The following NPLOC4 variants were observed in gnomAD, a reference collection of about 807,000 sequenced individuals.
NPLOC4 encodes nuclear protein localization protein 4 homolog.
Under a neutral mutation model 80.6 loss-of-function variants are expected in NPLOC4, and 18 were observed. The observed-to-expected ratio is 0.22, with a 90% CI of 0.15 to 0.33. NPLOC4 has a LOEUF of 0.33. NPLOC4 is among the 10% of genes least tolerant of loss of function. NPLOC4 has a pLI of 1.00. For synonymous variants in NPLOC4, 313 were observed against 301.5 expected (o/e 1.04, Z -0.39); for missense variants, 540 against 786.1 (o/e 0.69, Z 3.74).
rs140800811 is a variant in NPLOC4 at position 81,575,272 on chromosome 17, T to G, written c.1282-3184A>C. Among the ~76,000 whole-genome samples the G allele has an allele frequency of 5.5e-3, 836 of 152,222 alleles. 11 individuals are homozygous for G. The highest frequency in any genetic ancestry group is 0.019 in the African/African-American group (784 of 41,542). On this transcript the variant is annotated intron_variant, in intron 12 of 16. Coordinates refer to ENST00000331134, the MANE Select transcript of NPLOC4 (RefSeq NM_017921.4). ...CCGCCACCACGCCCGGCTAATTTTT[T>G]TCTATTTTTTAGTAGAGACGGGGTT...
rs546558578 is a variant in NPLOC4 at position 81,636,736 on chromosome 17, A to G, written c.15+180T>C. On this transcript the variant is annotated intron_variant, in intron 1 of 16. Transcript: ENST00000331134. ...CCCCTGGGGAGGGACACGGACGGGA[A>G]GCAGCCGAGGGGGGTGAAAGTCCCC... 3.3e-5 allele frequency among the ~76,000 whole-genome samples: 5 copies of G among 152,156 alleles called. No individual in the cohort carries two copies. In the South Asian group the frequency reaches 1.0e-3, roughly 32 times the overall value.
intron 1 of NPLOC4, among the ~76,000 whole-genome samples, chr17:81,632,050 A>G (rs2035945891): frequency 6.6e-6 from 1 of 151,208 alleles, no homozygotes; most frequent in African/African-American, 2.4e-5. Flanking sequence ...ACCTCCACTC[A>G]CTGCAACCTC....
At chr17:81,579,514 C>A (rs2144096338) in intron 12 of NPLOC4, among the ~76,000 whole-genome samples, 1 of 152,230 alleles carries the variant, frequency 6.6e-6, no homozygotes, top group Non-Finnish European at 1.5e-5. Context: ...TCCACTCCAG[C>A]CTCCCCCTTC....
chr17:81,604,486 A>G, intron 8 of NPLOC4, 62 bp downstream of exon 8: 2 of 1,513,786 alleles, frequency 1.3e-6, no homozygotes, highest in Non-Finnish European at 1.8e-6. Context: ...GCCTCTCCGA[A>G]AGGGCGTCCC....
At chr17:81,628,362 A>T (rs1019597297) in intron 2 of NPLOC4, among the ~76,000 whole-genome samples, 3 of 152,004 alleles carry the variant, frequency 2.0e-5, no homozygotes, top group Admixed American at 6.6e-5. Flanking sequence ...AAAATACAAA[A>T]AATTAGTCAG....
chr17:81,613,139 A>AAAC lies in NPLOC4; in HGVS notation c.386+178_386+179insGTT, dbSNP rs542770836. On this transcript the variant is annotated intron_variant, in intron 4 of 16. Coordinates refer to ENST00000331134, the MANE Select transcript of NPLOC4 (RefSeq NM_017921.4). ...ACTGATAAAAAGCTAAAAAAAAAAA[A>AAAC]CAAAAACCGATAAAAAGCTAACAAG... 219 of 551,538 alleles carry AAAC rather than the reference A, an allele frequency of 4.0e-4. 1 individual carries two copies. In the South Asian group the frequency reaches 4.1e-3, roughly 10 times the overall value. The allele number at this position is 551,538 out of a possible 1,614,324, so 34.2% of individuals were successfully genotyped here. A position where few individuals can be genotyped will look rare whatever the true frequency, so the allele number is the denominator to read the frequency against.
intron 3 of NPLOC4, 32 bp downstream of exon 3, chr17:81,622,134 C>T (rs2035686394): frequency 8.6e-6 from 13 of 1,515,026 alleles, no homozygotes; most frequent in Non-Finnish European, 9.2e-6. Context: ...CATTTCCCCC[C>T]ATTCCCTGCT....
chr17:81,607,650 C>T (rs1448115158), intron 6 of NPLOC4, among the ~76,000 whole-genome samples: 1 of 152,054 alleles, frequency 6.6e-6, no homozygotes, highest in Non-Finnish European at 1.5e-5. Flanking sequence ...GCCACAAACA[C>T]GCCCCCACTA....
intron 12 of NPLOC4, among the ~76,000 whole-genome samples, chr17:81,582,782 T>C (rs2034478962): frequency 6.6e-6 from 1 of 152,258 alleles, no homozygotes; most frequent in Admixed American, 6.5e-5. Context: ...AGTGTGAGTC[T>C]TGTCCCTGTG....
chr17:81,635,582 T>G (rs2036046064), intron 1 of NPLOC4, among the ~76,000 whole-genome samples: 2 of 151,958 alleles, frequency 1.3e-5, no homozygotes, highest in South Asian at 4.2e-4. Context: ...CAGGGTGGAG[T>G]CCAGTGACGC....
At chr17:81,597,164 CAA>C (rs1357288526) in intron 10 of NPLOC4, 79 bp downstream of exon 10, 1 of 970,868 alleles carries the variant, frequency 1.0e-6, no homozygotes, top group Non-Finnish European at 1.6e-6. Context: ...ACCAGCGGTG[CAA>C]AGAGACCCTG....
At chr17:81,595,910 A>G (rs751265697) in intron 11 of NPLOC4, among the ~76,000 whole-genome samples, 2 of 151,552 alleles carry the variant, frequency 1.3e-5, no homozygotes, top group Non-Finnish European at 2.9e-5. Flanking sequence ...TGATTCTGTT[A>G]TGAGTTTTGG....
chr17:81,598,119 AG>A (rs2034969782), intron 9 of NPLOC4, among the ~76,000 whole-genome samples: 1 of 149,918 alleles, frequency 6.7e-6, no homozygotes, highest in African/African-American at 2.4e-5. Flanking sequence ...AAAAAAAGAT[AG>A]ATGATGAATG....
chr17:81,562,552 A>G (rs1219427990), intron 16 of NPLOC4: 2 of 152,164 alleles, frequency 1.3e-5, no homozygotes, highest in African/African-American at 4.8e-5. Context: ...ACAAACAAAC[A>G]AAAAACCCAT....
chr17:81,615,452 C>T (rs1033988462), intron 3 of NPLOC4, among the ~76,000 whole-genome samples: 2 of 152,070 alleles, frequency 1.3e-5, no homozygotes, highest in African/African-American at 4.8e-5. Flanking sequence ...CATCTAACTA[C>T]TAATATAAAA....
In NPLOC4 at chr17:81,631,421, CAT is replaced by C. The variant is rs1415379403; in HGVS notation, c.16-1618_16-1617del. 5.5e-4 allele frequency among the ~76,000 whole-genome samples: 27 copies of C among 49,474 alleles called. 1 individual carries two copies. The highest frequency in any genetic ancestry group is 7.5e-4 in the Non-Finnish European group (23 of 30,610). 32.5% of individuals were successfully genotyped at this position (49,474 alleles called of 152,430 possible). On this transcript the variant is annotated intron_variant, in intron 1 of 16. Transcript: ENST00000331134. ...GTGCATATATGCATATTAAAGTGTA[CAT>C]ATATATATATATATTTTTTTTTTTT...
chr17:81,572,128 TC>T lies in NPLOC4; in HGVS notation c.1282-41del. ...GGGGAACAGCGGTGAGCAAAGACGA[TC>T]AGTAGTAATGATTTTCCTTTCACAT... On this transcript the variant is annotated intron_variant, in intron 12 of 16. Coordinates refer to ENST00000331134, the MANE Select transcript of NPLOC4 (RefSeq NM_017921.4). This position sits in a 1 kb window ranked among gnomAD's most constrained non-coding sequence, Gnocchi z 4.5. 7.3e-7 allele frequency: 1 copy of T among 1,363,274 alleles called. No homozygotes were observed. The allele number at this position is 1,363,274 out of a possible 1,614,324, so 84.4% of individuals were successfully genotyped here. A position where few individuals can be genotyped will look rare whatever the true frequency, so the allele number is the denominator to read the frequency against.
chr17:81,559,525 A>G, intron 16 of NPLOC4, 109 bp from the exon 17 acceptor site: 2 of 1,258,604 alleles, frequency 1.6e-6, no homozygotes, highest in Non-Finnish European at 2.2e-6. Flanking sequence ...CGCCCCCAAC[A>G]TCCCACCCAG....
Position 81,594,542 on chromosome 17 carries a change from G to A in NPLOC4, c.1120+1574C>T, listed in dbSNP as rs541664506. ...CTGTCATCCCAGCACTTGGGAGGCC[G>A]AGGTGGGCGGATCACGAGGTCAGGA... On this transcript the variant is annotated intron_variant, in intron 11 of 16. Coordinates refer to ENST00000331134, the MANE Select transcript of NPLOC4 (RefSeq NM_017921.4). 8.5e-5 allele frequency among the ~76,000 whole-genome samples: 13 copies of A among 152,088 alleles called. No homozygotes were observed. In the East Asian group the frequency reaches 2.3e-3, roughly 27 times the overall value.
Sources: allele counts gnomAD v4.1 joint callset (sites outside exome capture counted in the v4.1 genomes callset), GRCh38; gene constraint gnomAD v4.1.1; non-coding constraint Gnocchi (gnomAD v3.1); transcripts MANE v1.5; gene names NCBI Gene and HGNC (gene_info 2026-07-23, HGNC 2026-07-21).